ATRN: variants seen among roughly 807,000 people sequenced by gnomAD.
ATRN encodes the protein attractin.
ATRN carries 54 observed loss-of-function variants against 178.7 expected under a neutral mutation model. The observed-to-expected ratio is 0.30, with a 90% CI of 0.24 to 0.38. The LOEUF is 0.38. Among genes scored for constraint, ATRN ranks in the 10% least tolerant of loss-of-function variants. The pLI, the probability that ATRN is intolerant of heterozygous loss-of-function variation, is 1.00. For synonymous variants in ATRN, 636 were observed against 663.0 expected, an observed-to-expected ratio of 0.96 and a Z score of 0.63; for missense variants, 1,443 against 1,815.1, an observed-to-expected ratio of 0.79 and a Z score of 3.73.
In ATRN at chr20:3,650,837, A is replaced by C. The variant is rs1032140420; in HGVS notation, c.*3990A>C. ...ATTTCGTTTGTTTGGATTCAAGCTT[A>C]GTTTGTTAATATGTATAATTTAGCA... On this transcript the variant is annotated 3_prime_UTR_variant, in exon 29 of 29. Coordinates refer to ENST00000262919, the MANE Select transcript of ATRN (RefSeq NM_139321.3). 1 of 152,630 alleles carries C rather than the reference A, an allele frequency of 6.6e-6. No homozygotes were observed. The highest frequency in any genetic ancestry group is 2.4e-5 in the African/African-American group (1 of 41,462). The allele number at this position is 152,630 out of a possible 1,614,324, so 9.5% of individuals were successfully genotyped here.
At chr20:3,637,713 G>A (rs914260920) in intron 26 of ATRN, among the ~76,000 whole-genome samples, 2 of 152,138 alleles carry the variant, frequency 1.3e-5, no homozygotes, top group African/African-American at 4.8e-5. Flanking sequence ...TTTGATCCCA[G>A]TGACAACCTT....
intron 12 of ATRN, 30 bp from the exon 13 acceptor site, chr20:3,575,797 C>A: frequency 6.3e-7 from 1 of 1,574,916 alleles, no homozygotes; most frequent in East Asian, 2.3e-5. Flanking sequence ...TGAAGTTGTC[C>A]CAGTTCATGA....
At chr20:3,631,039 C>T (rs2086986558) in intron 25 of ATRN, among the ~76,000 whole-genome samples, 1 of 143,076 alleles carries the variant, frequency 7.0e-6, no homozygotes, top group African/African-American at 2.6e-5. Context: ...AACTCCTGAG[C>T]TGGTCTCAAG....
intron 1 of ATRN, among the ~76,000 whole-genome samples, chr20:3,522,981 A>G (rs1343562913): frequency 1.3e-5 from 2 of 152,160 alleles, no homozygotes; most frequent in African/African-American, 4.8e-5. Context: ...AAGGCTGAAA[A>G]TTCCAAAAAC....
chr20:3,633,228 G>C lies in ATRN; in HGVS notation c.3864-1083G>C, dbSNP rs371893513. Among the ~76,000 whole-genome samples, 17 of 152,274 alleles carry C rather than the reference G, an allele frequency of 1.1e-4. No homozygotes were observed. In the East Asian group the frequency reaches 3.1e-3, roughly 28 times the overall value. On this transcript the variant is annotated intron_variant, in intron 25 of 28. Transcript: ENST00000262919. ...AGGCTTTCCACCAAGTGACGATCCT[G>C]GGGGGGTTGGAAGGCAATCCTATTG...
chr20:3,606,563 C>G (rs557083863), intron 24 of ATRN, among the ~76,000 whole-genome samples: 20 of 152,288 alleles, frequency 1.3e-4, no homozygotes, highest in African/African-American at 4.6e-4. Context: ...TCCCTGCGTT[C>G]GGTGCATATT....
intron 1 of ATRN, chr20:3,490,760 A>G (rs749833009): frequency 1.8e-4 from 144 of 790,362 alleles, no homozygotes; most frequent in Non-Finnish European, 3.0e-4. Context: ...ACTCGAGTCT[A>G]TTATAGAATT....
intron 24 of ATRN, among the ~76,000 whole-genome samples, chr20:3,606,586 C>T (rs750095542): frequency 1.5e-4 from 23 of 152,364 alleles, no homozygotes; most frequent in Admixed American, 2.6e-4. Flanking sequence ...TTCTTGTGAT[C>T]TTAGCCCCAG....
chr20:3,561,997 A>G (rs1039732141), intron 8 of ATRN, among the ~76,000 whole-genome samples: 1 of 152,192 alleles, frequency 6.6e-6, no homozygotes, highest in Non-Finnish European at 1.5e-5. Context: ...AAGTGCTGGG[A>G]TTACACATGT....
chr20:3,499,966 A>G lies in ATRN; in HGVS notation c.410+28449A>G, dbSNP rs970865237. Among the ~76,000 whole-genome samples, 247 of 152,206 alleles carry G rather than the reference A, an allele frequency of 1.6e-3. 1 individual carries two copies. In the Middle Eastern group the frequency reaches 0.02, roughly 13 times the overall value. On this transcript the variant is annotated intron_variant, in intron 1 of 28. Transcript: ENST00000262919. Reference sequence around the variant, plus strand: ...AAAGGGCTAATATCCAGAATCTACAATGAACTCAAACAAATTTACAAGGAA... The same window carrying G: ...AAAGGGCTAATATCCAGAATCTACAGTGAACTCAAACAAATTTACAAGGAA...
intron 6 of ATRN, among the ~76,000 whole-genome samples, chr20:3,554,990 C>CTTTTTTTTTT (rs536209701): frequency 3.3e-4 from 22 of 67,490 alleles, no homozygotes; most frequent in African/African-American, 1.5e-3. Context: ...GACCTGACCT[C>CTTTTTTTTTT]TTTTTTTTTT....
chr20:3,540,654 A>G (rs974685629), intron 3 of ATRN, among the ~76,000 whole-genome samples: 3 of 152,238 alleles, frequency 2.0e-5, no homozygotes, highest in Non-Finnish European at 4.4e-5. Context: ...AGAGTGATAT[A>G]TTGAATGATA....
rs3084238 is a variant in ATRN at position 3,485,610 on chromosome 20, G to GTT, written c.410+14121_410+14122dup. On this transcript the variant is annotated intron_variant, in intron 1 of 28. Coordinates refer to ENST00000262919, the MANE Select transcript of ATRN (RefSeq NM_139321.3). The stretch of plus-strand genomic sequence containing the variant: ...TGGTTTGCCAATACATTTTTTTGAG[G>GTT]TTTTTTTTTTTTTTTTTTTTTTTTT... Among the ~76,000 whole-genome samples the GTT allele has an allele frequency of 1.4e-3, 94 of 67,904 alleles. 10 individuals carry two copies. The highest frequency in any genetic ancestry group is 4.9e-3 in the African/African-American group (89 of 18,118). 44.5% of individuals were successfully genotyped at this position (67,904 alleles called of 152,430 possible).
intron 12 of ATRN, among the ~76,000 whole-genome samples, chr20:3,574,253 G>A (rs1056832246): frequency 1.3e-5 from 2 of 152,120 alleles, no homozygotes; most frequent in East Asian, 3.9e-4. Context: ...GGCTCATGCC[G>A]GTAATCCCAG....
chr20:3,559,682 A>G (rs937544810), intron 7 of ATRN, among the ~76,000 whole-genome samples, 199 bp downstream of exon 7: 3 of 152,216 alleles, frequency 2.0e-5, no homozygotes, highest in African/African-American at 7.2e-5. Flanking sequence ...AATGGCTTCA[A>G]ACTGTAATGG....
intron 1 of ATRN, among the ~76,000 whole-genome samples, chr20:3,523,790 A>G (rs1179474940): frequency 6.6e-6 from 1 of 152,204 alleles, no homozygotes; most frequent in East Asian, 1.9e-4. Context: ...AGAATTTTCA[A>G]CCCAGAATTT....
At chr20:3,628,153 CAG>C (rs1446179384) in intron 25 of ATRN, among the ~76,000 whole-genome samples, 1 of 152,166 alleles carries the variant, frequency 6.6e-6, no homozygotes, top group African/African-American at 2.4e-5. Flanking sequence ...ACCTGGGCAA[CAG>C]TGCGAGACTC....
chr20:3,619,907 T>C (rs1420422196), intron 24 of ATRN, among the ~76,000 whole-genome samples: 1 of 152,200 alleles, frequency 6.6e-6, no homozygotes, highest in Non-Finnish European at 1.5e-5. Flanking sequence ...GGACATAGAA[T>C]GACACTTAAG....
intron 1 of ATRN, among the ~76,000 whole-genome samples, chr20:3,505,359 C>T (rs945096446): frequency 6.6e-6 from 1 of 152,102 alleles, no homozygotes; most frequent in Non-Finnish European, 1.5e-5. Context: ...CTGAGTTACA[C>T]CACCAGCTCC....
Sources: allele counts gnomAD v4.1 joint callset (sites outside exome capture counted in the v4.1 genomes callset), GRCh38; gene constraint gnomAD v4.1.1; transcripts MANE v1.5; gene names NCBI Gene and HGNC (gene_info 2026-07-23, HGNC 2026-07-21).